Variants in EYS observed in about 807,000 individuals in gnomAD.
The protein encoded by EYS is EGF-like photoreceptor maintenance factor, also known as protein eyes shut homolog.
Under a neutral mutation model 282.1 loss-of-function variants are expected in EYS, and 250 were observed. The ratio of observed to expected loss-of-function variants is 0.89; its 90% confidence interval spans 0.80 to 0.98. EYS has a LOEUF of 0.98. EYS is among the 50% of genes least tolerant of loss of function. EYS has a pLI of 0.00. For missense variants in EYS, 4,016 were observed against 3,709.0 expected (o/e 1.08, Z -2.15); for synonymous variants, 1,355 against 1,282.9 (o/e 1.06, Z -1.20).
intron 35 of EYS, among the ~76,000 whole-genome samples, chr6:63,974,233 T>C (rs1766724266): frequency 6.6e-6 from 1 of 152,076 alleles, no homozygotes; most frequent in South Asian, 2.1e-4. Context: ...ACGCATTTTT[T>C]TGGTGCATGA....
chr6:65,246,636 T>A (rs1178539648), intron 12 of EYS, among the ~76,000 whole-genome samples: 2 of 152,114 alleles, frequency 1.3e-5, no homozygotes, highest in East Asian at 3.9e-4. Flanking sequence ...TCCCATTTGC[T>A]CATATTGCCT....
intron 33 of EYS, among the ~76,000 whole-genome samples, chr6:64,010,419 G>C (rs1768564483): frequency 6.6e-6 from 1 of 151,136 alleles, no homozygotes; most frequent in Non-Finnish European, 1.5e-5. Flanking sequence ...GGTGTGGAGA[G>C]AAGGGGGACA....
chr6:64,635,302 A>G (rs1364073161), intron 22 of EYS, among the ~76,000 whole-genome samples: 1 of 152,138 alleles, frequency 6.6e-6, no homozygotes, highest in Admixed American at 6.6e-5. Context: ...TTCCTAATTG[A>G]ATACCCTTTA....
chr6:65,633,681 T>C (rs139821739), intron 2 of EYS, among the ~76,000 whole-genome samples: 1 of 152,244 alleles, frequency 6.6e-6, no homozygotes, highest in Non-Finnish European at 1.5e-5. Flanking sequence ...ACTATAATTA[T>C]GAAATACCTA....
intron 31 of EYS, among the ~76,000 whole-genome samples, chr6:64,122,742 ATATT>A (rs1214064150): frequency 6.6e-6 from 1 of 152,144 alleles, no homozygotes; most frequent in Non-Finnish European, 1.5e-5. Context: ...AATTAGCAGA[ATATT>A]TAAGATACTG....
intron 5 of EYS, among the ~76,000 whole-genome samples, chr6:65,467,524 C>A (rs1196275997): frequency 6.9e-6 from 1 of 144,388 alleles, no homozygotes; most frequent in Non-Finnish European, 1.6e-5. Flanking sequence ...CACACACATA[C>A]ACACACACAC....
At chr6:65,025,262 T>C (rs1772371495) in intron 13 of EYS, among the ~76,000 whole-genome samples, 1 of 152,178 alleles carries the variant, frequency 6.6e-6, no homozygotes, top group South Asian at 2.1e-4. Flanking sequence ...CATTAAACAC[T>C]TCAACCAGCT....
At chr6:63,781,374 T>C (rs932654983) in intron 39 of EYS, among the ~76,000 whole-genome samples, 1 of 152,208 alleles carries the variant, frequency 6.6e-6, no homozygotes, top group Admixed American at 6.5e-5. Context: ...ATTCTTCCTG[T>C]CCATGAGCAT....
chr6:65,026,742 C>G (rs1772421036), intron 13 of EYS, among the ~76,000 whole-genome samples: 1 of 152,084 alleles, frequency 6.6e-6, no homozygotes, highest in Middle Eastern at 3.4e-3. Context: ...ACAGTGAAAC[C>G]CTGTCTCTAC....
At chr6:63,933,379 G>C (rs554839760) in intron 35 of EYS, among the ~76,000 whole-genome samples, 1 of 152,050 alleles carries the variant, frequency 6.6e-6, no homozygotes, top group Non-Finnish European at 1.5e-5. Context: ...GCTAATTTTT[G>C]TACTTTTAGT....
At chr6:64,228,454 A>G (rs993033063) in intron 31 of EYS, among the ~76,000 whole-genome samples, 5 of 152,128 alleles carry the variant, frequency 3.3e-5, no homozygotes, top group Admixed American at 2.6e-4. Flanking sequence ...CTCAGTATTA[A>G]TGAATTAAAG....
chr6:65,149,919 C>A (rs1280776648), intron 12 of EYS, among the ~76,000 whole-genome samples: 1 of 152,064 alleles, frequency 6.6e-6, no homozygotes, highest in East Asian at 1.9e-4. Context: ...AGGAAACTTA[C>A]AATCATGGAA....
intron 31 of EYS, among the ~76,000 whole-genome samples, chr6:64,117,021 A>T (rs1242489235): frequency 6.6e-6 from 1 of 152,096 alleles, no homozygotes; most frequent in Non-Finnish European, 1.5e-5. Context: ...CCCAACAGAA[A>T]ATCAATAAGG....
intron 5 of EYS, among the ~76,000 whole-genome samples, chr6:65,477,233 A>G (rs1485048847): frequency 6.6e-6 from 1 of 152,184 alleles, no homozygotes; most frequent in South Asian, 2.1e-4. Flanking sequence ...GTGTTCCTGT[A>G]TCTGAAAAAT....
chr6:64,138,503 A>G (rs1230910600), intron 31 of EYS, among the ~76,000 whole-genome samples: 4 of 152,166 alleles, frequency 2.6e-5, no homozygotes, highest in Non-Finnish European at 4.4e-5. Context: ...ATATAAAACA[A>G]TAGCTGTAAT....
chr6:64,214,601 T>A (rs1394798607), intron 31 of EYS, among the ~76,000 whole-genome samples: 1 of 152,006 alleles, frequency 6.6e-6, no homozygotes, highest in Non-Finnish European at 1.5e-5. Flanking sequence ...ACACACTAAA[T>A]ACATATTAAT....
intron 15 of EYS, among the ~76,000 whole-genome samples, chr6:64,916,822 G>T (rs1768180403): frequency 6.6e-6 from 1 of 152,200 alleles, no homozygotes; most frequent in Non-Finnish European, 1.5e-5. Context: ...TTTCCCTAGT[G>T]TGAGAAAATC....
intron 35 of EYS, among the ~76,000 whole-genome samples, chr6:63,922,851 G>T (rs1764610969): frequency 1.3e-5 from 2 of 152,122 alleles, no homozygotes; most frequent in Non-Finnish European, 2.9e-5. Context: ...AATCCAAAAA[G>T]CAGGGTATAT....
intron 13 of EYS, among the ~76,000 whole-genome samples, chr6:64,998,793 A>C (rs1158321072): frequency 6.6e-6 from 1 of 152,226 alleles, no homozygotes; most frequent in African/African-American, 2.4e-5. Context: ...TTATTTTAAC[A>C]TATTAAAACC....
Sources: allele counts gnomAD v4.1 joint callset (sites outside exome capture counted in the v4.1 genomes callset), GRCh38; gene constraint gnomAD v4.1.1; transcripts MANE v1.5; gene names NCBI Gene and HGNC (gene_info 2026-07-23, HGNC 2026-07-21).